Variants in ATE1 observed in about 807,000 individuals in gnomAD.
ATE1 encodes arginyl-tRNA--protein transferase 1.
Under a neutral mutation model 70.5 loss-of-function variants are expected in ATE1, and 36 were observed. The ratio of observed to expected loss-of-function variants is 0.51; its 90% CI spans 0.39 to 0.67. The LOEUF is 0.67. Among genes scored for constraint, ATE1 ranks in the 30% least tolerant of loss-of-function variants. The probability of loss-of-function intolerance (pLI) is 0.00; values close to 1 mark genes in which losing one functional copy is unlikely to be tolerated. For missense variants in ATE1, 593 were observed against 629.5 expected (o/e 0.94, Z 0.62); for synonymous variants, 232 against 219.3 (o/e 1.06, Z -0.51).
chr10:121,827,478 C>T (rs1948072584), intron 10 of ATE1, among the ~76,000 whole-genome samples: 4 of 152,178 alleles, frequency 2.6e-5, no homozygotes, highest in African/African-American at 7.2e-5. Context: ...ACCACACTAC[C>T]CCTCCCGCTT....
At chr10:121,848,022 G>A (rs1044245473) in intron 8 of ATE1, among the ~76,000 whole-genome samples, 2 of 152,038 alleles carry the variant, frequency 1.3e-5, no homozygotes, top group Non-Finnish European at 2.9e-5. Flanking sequence ...AGTGAGCTGA[G>A]ATCACATCAC....
intron 10 of ATE1, among the ~76,000 whole-genome samples, chr10:121,826,771 C>T (rs765791385): frequency 2.8e-4 from 43 of 152,324 alleles, no homozygotes; most frequent in Non-Finnish European, 6.0e-4. Context: ...CACCTTCCCT[C>T]TCTCCCCACT....
intron 8 of ATE1, among the ~76,000 whole-genome samples, chr10:121,847,937 G>T (rs1382909733): frequency 4.6e-5 from 7 of 151,738 alleles, no homozygotes; most frequent in African/African-American, 1.7e-4. Context: ...CAGGTGTGGT[G>T]GCACGTGCCT....
At chr10:121,899,735 A>G (rs1410472013) in intron 7 of ATE1, 131 bp downstream of exon 7, 1 of 1,352,250 alleles carries the variant, frequency 7.4e-7, no homozygotes, top group African/African-American at 1.5e-5. Context: ...ATTCAGTCTT[A>G]GGTCTTTGCA....
intron 1 of ATE1, chr10:121,926,645 A>T: frequency 3.6e-6 from 3 of 834,208 alleles, no homozygotes; most frequent in Non-Finnish European, 4.3e-6. Context: ...GTTTAATGTA[A>T]CTTATTGATT....
intron 7 of ATE1, chr10:121,899,075 G>A (rs914576648): frequency 1.4e-5 from 19 of 1,333,356 alleles, no homozygotes; most frequent in African/African-American, 1.0e-4. Flanking sequence ...GCCAAAGCTC[G>A]AACTCGAATT....
intron 3 of ATE1, 58 bp from the exon 4 acceptor site, chr10:121,913,951 A>C: frequency 2.3e-6 from 3 of 1,333,034 alleles, no homozygotes; most frequent in Non-Finnish European, 3.2e-6. Context: ...AAATGAAATC[A>C]GTTCTGGATA....
At chr10:121,832,862 T>C (rs921730091) in intron 10 of ATE1, among the ~76,000 whole-genome samples, 1 of 152,196 alleles carries the variant, frequency 6.6e-6, no homozygotes, top group Non-Finnish European at 1.5e-5. Flanking sequence ...AATATATGCC[T>C]TTCCTTTTCC....
chr10:121,776,719 G>T (rs1192484381), intron 11 of ATE1, among the ~76,000 whole-genome samples: 1 of 152,236 alleles, frequency 6.6e-6, no homozygotes, highest in Non-Finnish European at 1.5e-5. Flanking sequence ...TTTTGTTTCA[G>T]CTGTGTAAGT....
At chr10:121,902,889 A>C (rs1197527629) in intron 5 of ATE1, among the ~76,000 whole-genome samples, 1 of 152,014 alleles carries the variant, frequency 6.6e-6, no homozygotes, top group East Asian at 1.9e-4. Context: ...TTTTTGAGAC[A>C]GAGTCTCGCT....
chr10:121,870,888 T>G (rs1164455154), intron 7 of ATE1, among the ~76,000 whole-genome samples: 1 of 152,160 alleles, frequency 6.6e-6, no homozygotes, highest in Admixed American at 6.5e-5. Flanking sequence ...TTCAAATCCT[T>G]TGAGATTTAC....
At chr10:121,822,098 A>G (rs776515785) in intron 10 of ATE1, among the ~76,000 whole-genome samples, 6 of 152,210 alleles carry the variant, frequency 3.9e-5, no homozygotes, top group Non-Finnish European at 8.8e-5. Flanking sequence ...CACGTAACAT[A>G]ATGTTCACAG....
At chr10:121,883,130 C>T (rs528824294) in intron 7 of ATE1, among the ~76,000 whole-genome samples, 10 of 152,178 alleles carry the variant, frequency 6.6e-5, no homozygotes, top group African/African-American at 1.9e-4. Flanking sequence ...ATCTAGTTTC[C>T]AAGCCAATAA....
intron 10 of ATE1, among the ~76,000 whole-genome samples, chr10:121,824,101 C>CT (rs1340578711): frequency 6.6e-6 from 1 of 152,158 alleles, no homozygotes; most frequent in Non-Finnish European, 1.5e-5. Flanking sequence ...CATGAGAATT[C>CT]TTTTACCTCC....
intron 10 of ATE1, among the ~76,000 whole-genome samples, chr10:121,824,660 C>G (rs1319529469): frequency 6.6e-6 from 1 of 152,158 alleles, no homozygotes; most frequent in East Asian, 1.9e-4. Flanking sequence ...CTGGCCACAT[C>G]ATGATACCAA....
chr10:121,784,160 T>C (rs1015207411), intron 11 of ATE1, among the ~76,000 whole-genome samples: 1 of 152,248 alleles, frequency 6.6e-6, no homozygotes, highest in African/African-American at 2.4e-5. Context: ...TTTTCAAACC[T>C]GTCTGGCCAG....
At chr10:121,911,495 G>C (rs1185807645) in intron 4 of ATE1, among the ~76,000 whole-genome samples, 1 of 150,338 alleles carries the variant, frequency 6.7e-6, no homozygotes, top group East Asian at 2.0e-4. Flanking sequence ...GCAATGTACT[G>C]CCAGTCCCTT....
intron 10 of ATE1, among the ~76,000 whole-genome samples, chr10:121,815,148 T>G (rs1947485340): frequency 6.6e-6 from 1 of 152,248 alleles, no homozygotes; most frequent in Non-Finnish European, 1.5e-5. Context: ...TTTTTTGTTT[T>G]TGTTTTTGAG....
At chr10:121,881,611 A>G (rs944238816) in intron 7 of ATE1, among the ~76,000 whole-genome samples, 8 of 151,268 alleles carry the variant, frequency 5.3e-5, no homozygotes, top group African/African-American at 1.7e-4. Context: ...AGTGATCATA[A>G]TACTTACAAA....
Sources: gnomAD v4.1 joint callset for allele counts (sites outside exome capture counted in the v4.1 genomes callset) on GRCh38, gnomAD v4.1.1 for gene constraint, MANE v1.5 for transcripts, NCBI Gene and HGNC (gene_info 2026-07-23, HGNC 2026-07-21) for gene names.